The following SORCS2 variants were observed in gnomAD, a reference collection of about 807,000 sequenced individuals.
The protein encoded by SORCS2 is sortilin related VPS10 domain containing receptor 2, also known as VPS10 domain-containing receptor SorCS2.
SORCS2 carries 100 observed loss-of-function variants against 141.6 expected under a neutral mutation model. The ratio of observed to expected loss-of-function variants is 0.71; its 90% CI spans 0.60 to 0.83. The LOEUF (loss-of-function observed/expected upper bound fraction) is 0.83. Among genes scored for constraint, SORCS2 ranks in the 40% least tolerant of loss-of-function variants. The pLI is 0.00. For missense variants in SORCS2, 1,646 were observed against 1,560.2 expected, an observed-to-expected ratio of 1.05 and a Z score of -0.93; for synonymous variants, 789 against 676.9, an observed-to-expected ratio of 1.17 and a Z score of -2.57.
intron 3 of SORCS2, among the ~76,000 whole-genome samples, chr4:7,571,732 G>T (rs1199333755): frequency 6.6e-6 from 1 of 152,162 alleles, no homozygotes; most frequent in Non-Finnish European, 1.5e-5. Context: ...AGGGGCCAAG[G>T]CCAGCAGCTT....
At chr4:7,305,156 C>T (rs947895345) in intron 1 of SORCS2, among the ~76,000 whole-genome samples, 27 of 152,182 alleles carry the variant, frequency 1.8e-4, no homozygotes, top group Admixed American at 5.9e-4. Context: ...CTCAGCCTCC[C>T]GAGTAGCTGG....
At chr4:7,326,247 G>T (rs769490387) in intron 1 of SORCS2, among the ~76,000 whole-genome samples, 1 of 152,116 alleles carries the variant, frequency 6.6e-6, no homozygotes, top group Non-Finnish European at 1.5e-5. Flanking sequence ...TGGCAGGAGG[G>T]TGTGGGGGTG....
chr4:7,381,082 C>CAAAAAAAAAAA (rs397745880), intron 1 of SORCS2, among the ~76,000 whole-genome samples: 3 of 103,986 alleles, frequency 2.9e-5, no homozygotes, highest in Non-Finnish European at 3.9e-5. Flanking sequence ...ACTCTGTCTC[C>CAAAAAAAAAAA]AAAAAAAAAA....
chr4:7,393,715 A>G (rs9762295), intron 1 of SORCS2, among the ~76,000 whole-genome samples: 45,345 of 152,058 alleles, frequency 0.3, 8,312 homozygotes, highest in African/African-American at 0.5. Flanking sequence ...CGTCGGTGGC[A>G]GGGCTGAAAC....
At chr4:7,281,342 C>T (rs1215257336) in intron 1 of SORCS2, among the ~76,000 whole-genome samples, 1 of 152,096 alleles carries the variant, frequency 6.6e-6, no homozygotes, top group Non-Finnish European at 1.5e-5. Context: ...GCAAAACTGT[C>T]TCATTTCTCC....
chr4:7,737,233 C>T, intron 26 of SORCS2, 61 bp downstream of exon 26: 1 of 1,544,352 alleles, frequency 6.5e-7, no homozygotes, highest in Non-Finnish European at 8.7e-7. Flanking sequence ...CGCCCCAAAC[C>T]CACCCCGCCC....
intron 1 of SORCS2, among the ~76,000 whole-genome samples, chr4:7,273,172 A>G (rs1291075381): frequency 1.3e-5 from 2 of 152,202 alleles, no homozygotes; most frequent in African/African-American, 4.8e-5. Context: ...CCTTATGAAT[A>G]TTTACAAAGA....
At chr4:7,495,045 G>T (rs1452600649) in intron 2 of SORCS2, among the ~76,000 whole-genome samples, 1 of 152,214 alleles carries the variant, frequency 6.6e-6, no homozygotes, top group East Asian at 1.9e-4. Context: ...TGAAGAAACA[G>T]AGAGGCAGAG....
chr4:7,477,384 G>C (rs1182833689), intron 2 of SORCS2, among the ~76,000 whole-genome samples: 8 of 135,346 alleles, frequency 5.9e-5, no homozygotes, highest in Non-Finnish European at 8.4e-5. Context: ...GACCGTGGCT[G>C]ATTGGGGCTG....
intron 1 of SORCS2, among the ~76,000 whole-genome samples, chr4:7,206,461 T>A (rs1727746914): frequency 6.6e-6 from 1 of 152,140 alleles, no homozygotes; most frequent in South Asian, 2.1e-4. Flanking sequence ...TAAGTGAGGA[T>A]CTGGGCTCCC....
chr4:7,540,461 G>C (rs552369267), intron 3 of SORCS2, among the ~76,000 whole-genome samples: 7 of 152,300 alleles, frequency 4.6e-5, no homozygotes, highest in Admixed American at 3.9e-4. Context: ...CACCGCCTGT[G>C]CTTTGTGGGA....
At chr4:7,288,337 T>A (rs1340626334) in intron 1 of SORCS2, among the ~76,000 whole-genome samples, 1 of 151,844 alleles carries the variant, frequency 6.6e-6, no homozygotes, top group Non-Finnish European at 1.5e-5. Context: ...TTCTTTTGTT[T>A]TGGAGGCTAT....
At chr4:7,656,756 T>C (rs1560460927) in intron 5 of SORCS2, among the ~76,000 whole-genome samples, 1 of 152,182 alleles carries the variant, frequency 6.6e-6, no homozygotes, top group Non-Finnish European at 1.5e-5. Flanking sequence ...CTGGCCCTGG[T>C]GCAGGGCATG....
At chr4:7,436,694 C>A (rs1374946681) in intron 2 of SORCS2, among the ~76,000 whole-genome samples, 1 of 152,196 alleles carries the variant, frequency 6.6e-6, no homozygotes, top group African/African-American at 2.4e-5. Context: ...AGGTGGAATG[C>A]CCCACTGGGC....
In SORCS2 at chr4:7,420,681, C is replaced by T. The variant is rs142386352; in HGVS notation, c.548+24326C>T. On this transcript the variant is annotated intron_variant, in intron 2 of 26. Coordinates refer to ENST00000507866, the MANE Select transcript of SORCS2 (RefSeq NM_020777.3). The stretch of plus-strand genomic sequence containing the variant: ...TGAGCCCATTGCCTCCCCTGAGCCC[C>T]GTGCCCCATCTAGCAAGCTAGGGCA... Among the ~76,000 whole-genome samples the T allele has an allele frequency of 8.2e-3, 1,250 of 152,238 alleles. 16 individuals carry two copies. Among genetic ancestry groups the T allele is most frequent in the African/African-American group, 0.028 (1,153 of 41,538 alleles).
intron 9 of SORCS2, among the ~76,000 whole-genome samples, chr4:7,678,584 A>G (rs1182507474): frequency 1.9e-4 from 26 of 138,844 alleles, no homozygotes; most frequent in East Asian, 9.0e-4. Context: ...GTTTCCTGGA[A>G]GAGGCTGAGC....
chr4:7,636,695 C>T (rs1720279296), intron 3 of SORCS2, among the ~76,000 whole-genome samples: 1 of 152,112 alleles, frequency 6.6e-6, no homozygotes. Flanking sequence ...CCTTTGAAAA[C>T]CTAAACCAGG....
At position 7,706,415 on chromosome 4, in the gene SORCS2, A is replaced by G. The variant is rs111497463; in HGVS notation, c.1868+2131A>G. ...ATGAGGCTGGGCTCTGCCTGGACAGAGATGAGGCTGGGCTCTGTCTGGGCA... is the reference window on the plus strand; with the variant it reads ...ATGAGGCTGGGCTCTGCCTGGACAGGGATGAGGCTGGGCTCTGTCTGGGCA... On this transcript the variant is annotated intron_variant, in intron 14 of 26. Transcript: ENST00000507866. 6.7e-3 allele frequency among the ~76,000 whole-genome samples: 356 copies of G among 53,496 alleles called. 4 individuals carry two copies. The highest frequency in any genetic ancestry group is 0.011 in the African/African-American group (122 of 10,958). 35.1% of individuals were successfully genotyped at this position (53,496 alleles called of 152,430 possible).
At chr4:7,265,853 C>T (rs1205595845) in intron 1 of SORCS2, among the ~76,000 whole-genome samples, 1 of 152,154 alleles carries the variant, frequency 6.6e-6, no homozygotes, top group Non-Finnish European at 1.5e-5. Context: ...GGCCCCATTC[C>T]CTTCCTGCAG....
Sources: gnomAD v4.1 joint callset for allele counts (sites outside exome capture counted in the v4.1 genomes callset) on GRCh38, gnomAD v4.1.1 for gene constraint, MANE v1.5 for transcripts, NCBI Gene and HGNC (gene_info 2026-07-23, HGNC 2026-07-21) for gene names.